Variants in PTCD2 observed in about 807,000 individuals in gnomAD.
PTCD2 encodes pentatricopeptide repeat-containing protein 2, mitochondrial.
In PTCD2, 31 loss-of-function variants were observed where a neutral mutation model predicts 42.6. The ratio of observed to expected loss-of-function variants is 0.73; its 90% confidence interval spans 0.55 to 0.98. The LOEUF (loss-of-function observed/expected upper bound fraction) is 0.98. Among genes scored for constraint, PTCD2 ranks in the 50% least tolerant of loss-of-function variants. The probability of loss-of-function intolerance (pLI) is 0.00; values close to 1 mark genes in which losing one functional copy is unlikely to be tolerated. For synonymous variants in PTCD2, 183 were observed against 170.9 expected, an observed-to-expected ratio of 1.07 and a Z score of -0.55; for missense variants, 476 against 454.8, an observed-to-expected ratio of 1.05 and a Z score of -0.42.
intron 3 of PTCD2, among the ~76,000 whole-genome samples, chr5:72,329,934 T>A (rs1751349253): frequency 7.2e-6 from 1 of 139,314 alleles, no homozygotes; most frequent in Admixed American, 7.2e-5. Context: ...TATTTATAAC[T>A]TCTTTTTTTT....
chr5:72,332,951 G>A (rs1368221990), intron 4 of PTCD2, among the ~76,000 whole-genome samples: 1 of 152,144 alleles, frequency 6.6e-6, no homozygotes, highest in African/African-American at 2.4e-5. Context: ...ATTACATCTT[G>A]GATATAGTGG....
chr5:72,326,575 G>A (rs781009015), intron 2 of PTCD2, 37 bp from the exon 3 acceptor site: 21 of 1,611,732 alleles, frequency 1.3e-5, no homozygotes, highest in Admixed American at 1.7e-5. Context: ...CTCTCAGTCA[G>A]CCTGAGTGAT....
At chr5:72,340,578 T>C (rs1311985086) in intron 7 of PTCD2, among the ~76,000 whole-genome samples, 4 of 152,236 alleles carry the variant, frequency 2.6e-5, no homozygotes, top group African/African-American at 9.6e-5. Flanking sequence ...ATAGGTTGTT[T>C]GGTGCTAGTT....
chr5:72,346,331 A>G (rs80060149), intron 8 of PTCD2, among the ~76,000 whole-genome samples: 3 of 152,244 alleles, frequency 2.0e-5, no homozygotes, highest in Admixed American at 2.0e-4. Context: ...GATGAATGCC[A>G]TAAGAAAGCA....
chr5:72,334,917 C>A, intron 4 of PTCD2, 101 bp from the exon 5 acceptor site: 1 of 712,874 alleles, frequency 1.4e-6, no homozygotes, highest in Non-Finnish European at 2.5e-6. Context: ...ATGAGTAAAG[C>A]ATGCAGAATA....
At chr5:72,350,103 A>C (rs1370851497) in intron 8 of PTCD2, among the ~76,000 whole-genome samples, 1 of 152,176 alleles carries the variant, frequency 6.6e-6, no homozygotes, top group East Asian at 1.9e-4. Context: ...ATAGCACTGC[A>C]TTGAACAAGG....
chr5:72,320,447 A>G lies in PTCD2; in HGVS notation c.65A>G (p.Gln22Arg), dbSNP rs370749405. 2 of 1,613,886 alleles carry G rather than the reference A, an allele frequency of 1.2e-6. No individual in the cohort carries two copies. The highest frequency in any genetic ancestry group is 1.3e-5 in the African/African-American group (1 of 74,866). Reference protein sequence around the residue: ...PSNRVLLQALQILVYPGVGGS... With the variant: ...PSNRVLLQALRILVYPGVGGS... ...AATCGAGTTCTCCTGCAGGCGCTGC[A>G]GATTTTGGTGTATCCTGGGGTGGGA... The change falls in exon 1 of 10, where the codon CAG becomes CGG. Residue 22 changes from glutamine (Q) to arginine (R), a missense_variant. By Grantham distance (43) the Gln-to-Arg change is conservative. Coordinates refer to ENST00000380639, the MANE Select transcript of PTCD2 (RefSeq NM_024754.5).
intron 8 of PTCD2, among the ~76,000 whole-genome samples, chr5:72,343,353 G>T (rs1441054312): frequency 1.3e-5 from 2 of 152,158 alleles, no homozygotes; most frequent in African/African-American, 4.8e-5. Flanking sequence ...GGAGGAGGAG[G>T]GGATGGAGAC....
In PTCD2 at chr5:72,367,115, A is replaced by G. The variant is rs1003190288; in HGVS notation, c.*8688A>G. On this transcript the variant is annotated 3_prime_UTR_variant, in exon 10 of 10. Transcript: ENST00000380639. Reference sequence around the variant, plus strand: ...CTGTCTCTTCCTGCCATCATCAGGAATGACTAAATCTTGGAGCGTTCTCCA... The same window carrying G: ...CTGTCTCTTCCTGCCATCATCAGGAGTGACTAAATCTTGGAGCGTTCTCCA... 6.6e-6 allele frequency: 1 copy of G among 152,256 alleles called. No individual in the cohort carries two copies. Among genetic ancestry groups the G allele is most frequent in the Non-Finnish European group, 1.5e-5 (1 of 68,040 alleles). The allele number at this position is 152,256 out of a possible 1,614,324, so 9.4% of individuals were successfully genotyped here.
intron 8 of PTCD2, among the ~76,000 whole-genome samples, chr5:72,346,239 G>A (rs1432990039): frequency 6.6e-6 from 1 of 152,192 alleles, no homozygotes; most frequent in Non-Finnish European, 1.5e-5. Flanking sequence ...AATATCGACA[G>A]AGACATTTTA....
chr5:72,340,655 C>T (rs1752005575), intron 7 of PTCD2, among the ~76,000 whole-genome samples: 1 of 152,106 alleles, frequency 6.6e-6, no homozygotes, highest in Non-Finnish European at 1.5e-5. Flanking sequence ...GGAATGATAT[C>T]CCCTGAGTTC....
At chr5:72,331,963 T>C (rs931350939) in intron 4 of PTCD2, among the ~76,000 whole-genome samples, 5 of 152,234 alleles carry the variant, frequency 3.3e-5, no homozygotes, top group African/African-American at 7.2e-5. Flanking sequence ...ATTTTGTAGA[T>C]AAAGAAACTA....
rs1256493986 is a variant in PTCD2, at chr5:72,322,256, G to A, written c.212G>A (p.Gly71Asp). 1 of 1,568,250 alleles carries A rather than the reference G, an allele frequency of 6.4e-7. No homozygotes were observed. The highest frequency in any genetic ancestry group is 2.2e-5 in the East Asian group (1 of 44,540). Residue 71 changes from glycine to aspartate, a missense_variant, in exon 2 of 10, where the codon GGC becomes GAC. By Grantham distance (94) the Gly-to-Asp change is moderately conservative. Transcript: ENST00000380639. ...KKVAVACNLS[G>D]TKETYFRNLK... ...GTGGCTGTTGCATGTAATCTTTCTGGCACTAAAGGTAATAGAATCTATTTT... is the reference window on the plus strand; with the variant it reads ...GTGGCTGTTGCATGTAATCTTTCTGACACTAAAGGTAATAGAATCTATTTT...
Position 72,363,606 on chromosome 5 carries a change from CT to C in PTCD2, c.*5183del. On this transcript the variant is annotated 3_prime_UTR_variant, in exon 10 of 10. Coordinates refer to ENST00000380639, the MANE Select transcript of PTCD2 (RefSeq NM_024754.5). ...TGATGCAGTGTTGGGCCCAGCAGGC[CT>C]TTTAGAGGGTCATGCCAGCACCCAC... 6.6e-6 allele frequency: 1 copy of C among 152,326 alleles called. No individual in the cohort carries two copies. The highest frequency in any genetic ancestry group is 1.5e-5 in the Non-Finnish European group (1 of 68,082). The allele number at this position is 152,326 out of a possible 1,614,324, so 9.4% of individuals were successfully genotyped here. A position where few individuals can be genotyped will look rare whatever the true frequency, so the allele number is the denominator to read the frequency against.
chr5:72,326,159 A>G (rs1452075428), intron 2 of PTCD2, among the ~76,000 whole-genome samples: 2 of 152,016 alleles, frequency 1.3e-5, no homozygotes, highest in Admixed American at 6.6e-5. Context: ...CCTACCTTCA[A>G]CTCACATTTT....
In PTCD2 at chr5:72,364,183, T is replaced by C. The variant is rs1313190018; in HGVS notation, c.*5756T>C. ...AGTGTTCTCAAAAATTAATGGAAAT[T>C]GGTGTATTCTGATTGAGATATGTTT... On this transcript the variant is annotated 3_prime_UTR_variant, in exon 10 of 10. Transcript: ENST00000380639. 1.3e-5 allele frequency: 2 copies of C among 152,242 alleles called. No individual in the cohort carries two copies. Among genetic ancestry groups the C allele is most frequent in the African/African-American group, 2.4e-5 (1 of 41,462 alleles). The allele number at this position is 152,242 out of a possible 1,614,324, so 9.4% of individuals were successfully genotyped here.
chr5:72,346,961 A>AT (rs1752388444), intron 8 of PTCD2, among the ~76,000 whole-genome samples: 1 of 152,236 alleles, frequency 6.6e-6, no homozygotes, highest in South Asian at 2.1e-4. Flanking sequence ...TTCAGTAAGA[A>AT]TTGGTGATAA....
intron 7 of PTCD2, 75 bp downstream of exon 7, chr5:72,338,810 C>T: frequency 3.7e-6 from 3 of 815,418 alleles, no homozygotes; most frequent in South Asian, 1.7e-5. Context: ...CTTGCTTTTC[C>T]TTTTTTCCTT....
chr5:72,339,992 T>A (rs1407997221), intron 7 of PTCD2, among the ~76,000 whole-genome samples: 1 of 152,208 alleles, frequency 6.6e-6, no homozygotes, highest in African/African-American at 2.4e-5. Flanking sequence ...CTTTGTCTCT[T>A]ATATACTGCA....
Sources: gnomAD v4.1 joint callset for allele counts (sites outside exome capture counted in the v4.1 genomes callset) on GRCh38, gnomAD v4.1.1 for gene constraint, MANE v1.5 for transcripts, NCBI Gene and HGNC (gene_info 2026-07-23, HGNC 2026-07-21) for gene names.